EXOC6: variants seen among roughly 807,000 people sequenced by gnomAD.
EXOC6 encodes exocyst complex component 6.
EXOC6 carries 60 observed loss-of-function variants against 112.5 expected under a neutral mutation model. That is an observed-to-expected ratio of 0.53 (90% CI 0.43 to 0.66). The LOEUF (loss-of-function observed/expected upper bound fraction) is 0.66. Ranked by LOEUF, EXOC6 falls within the 30% of genes least tolerant of loss-of-function variation. The probability of loss-of-function intolerance (pLI) is 0.00; values close to 1 mark genes in which losing one functional copy is unlikely to be tolerated. For missense variants in EXOC6, 855 were observed against 957.1 expected (o/e 0.89, Z 1.41); for synonymous variants, 295 against 308.0 (o/e 0.96, Z 0.44).
chr10:92,915,154 A>T (rs1851009215), intron 6 of EXOC6, among the ~76,000 whole-genome samples: 1 of 152,200 alleles, frequency 6.6e-6, no homozygotes, highest in South Asian at 2.1e-4. Context: ...GGAAGTTGGG[A>T]GTATGGCCAA....
chr10:93,009,229 A>G (rs1844131580), intron 19 of EXOC6, among the ~76,000 whole-genome samples: 1 of 151,480 alleles, frequency 6.6e-6, no homozygotes, highest in Admixed American at 6.6e-5. Flanking sequence ...TAACTAAAAT[A>G]AAACCAAAAA....
intron 20 of EXOC6, among the ~76,000 whole-genome samples, chr10:93,014,807 T>C (rs1464219925): frequency 6.6e-6 from 1 of 152,226 alleles, no homozygotes; most frequent in Non-Finnish European, 1.5e-5. Flanking sequence ...ATACTCTAAG[T>C]GTAGTAACAA....
At chr10:92,989,198 A>AGT (rs1843132243) in intron 18 of EXOC6, among the ~76,000 whole-genome samples, 1 of 152,212 alleles carries the variant, frequency 6.6e-6, no homozygotes, top group Non-Finnish European at 1.5e-5. Flanking sequence ...TTGCTTGATA[A>AGT]GTGTTTTGTT....
At chr10:93,021,175 C>T (rs564899779) in intron 20 of EXOC6, among the ~76,000 whole-genome samples, 9 of 151,910 alleles carry the variant, frequency 5.9e-5, no homozygotes, top group Non-Finnish European at 1.2e-4. Context: ...CCCCATCTCC[C>T]TTTCCCATAA....
intron 7 of EXOC6, among the ~76,000 whole-genome samples, chr10:92,918,156 A>G (rs1001102559): frequency 6.6e-6 from 1 of 152,276 alleles, no homozygotes; most frequent in African/African-American, 2.4e-5. Context: ...CAAAAAAATA[A>G]ATAAAATTAT....
chr10:92,854,636 ATTC>A (rs1847513067), intron 1 of EXOC6, among the ~76,000 whole-genome samples: 1 of 152,150 alleles, frequency 6.6e-6, no homozygotes, highest in Non-Finnish European at 1.5e-5. Context: ...TTTGTCCCTT[ATTC>A]TTTTGATATG....
chr10:92,926,528 TAAAA>T (rs1216998130), intron 8 of EXOC6, among the ~76,000 whole-genome samples: 1 of 137,088 alleles, frequency 7.3e-6, no homozygotes, highest in African/African-American at 2.7e-5. Context: ...AAAAGAAAAA[TAAAA>T]AAAAAAAGAA....
At chr10:92,948,636 G>T (rs1564854299) in intron 14 of EXOC6, among the ~76,000 whole-genome samples, 1 of 145,052 alleles carries the variant, frequency 6.9e-6, no homozygotes, top group African/African-American at 2.5e-5. Flanking sequence ...TTTCGATGAC[G>T]TTAAGAAGAG....
intron 18 of EXOC6, among the ~76,000 whole-genome samples, chr10:92,984,198 T>C (rs772495799): frequency 6.6e-6 from 1 of 152,216 alleles, no homozygotes; most frequent in Non-Finnish European, 1.5e-5. Context: ...AGAATAATTC[T>C]AGCATCATGG....
intron 13 of EXOC6, among the ~76,000 whole-genome samples, chr10:92,947,134 G>C (rs1222960582): frequency 3.3e-5 from 5 of 152,118 alleles, no homozygotes; most frequent in Non-Finnish European, 5.9e-5. Context: ...GTTACGTTAG[G>C]ACAGCCTAGG....
At chr10:92,993,718 T>C (rs1032730290) in intron 18 of EXOC6, among the ~76,000 whole-genome samples, 1 of 152,254 alleles carries the variant, frequency 6.6e-6, no homozygotes, top group Non-Finnish European at 1.5e-5. Flanking sequence ...TAATCTATGA[T>C]AGTAAATTAT....
intron 8 of EXOC6, among the ~76,000 whole-genome samples, chr10:92,924,943 C>A (rs1484200084): frequency 6.6e-6 from 1 of 152,142 alleles, no homozygotes; most frequent in African/African-American, 2.4e-5. Context: ...TTCCTGAGTT[C>A]TGTCACTTAG....
At chr10:92,965,711 T>C (rs1464447584) in intron 17 of EXOC6, among the ~76,000 whole-genome samples, 1 of 152,208 alleles carries the variant, frequency 6.6e-6, no homozygotes, top group Non-Finnish European at 1.5e-5. Flanking sequence ...AAAAGTTACA[T>C]TGAAAGCCTT....
chr10:92,842,636 A>G (rs919426853), intron 1 of EXOC6, among the ~76,000 whole-genome samples: 2 of 151,896 alleles, frequency 1.3e-5, no homozygotes, highest in Admixed American at 6.6e-5. Context: ...AAGAAAACCA[A>G]CAAGGAGAAG....
rs541853170 is a variant in EXOC6 at position 92,907,619 on chromosome 10, T to A, written c.459-1808T>A. ...AATACATTGTAGACATTAGCATGAA[T>A]TTTCAGAAACCATACCTGTTGTAGA... On this transcript the variant is annotated intron_variant, in intron 5 of 21. Transcript: ENST00000260762. Among the ~76,000 whole-genome samples the A allele has an allele frequency of 5.9e-5, 9 of 152,338 alleles. No homozygotes were observed. The South Asian group carries it at 1.0e-3, about 18-fold the overall frequency.
intron 17 of EXOC6, 74 bp downstream of exon 17, chr10:92,955,788 T>TA: frequency 7.3e-7 from 1 of 1,362,766 alleles, no homozygotes; most frequent in Non-Finnish European, 1.0e-6. Context: ...AGACCGTTCT[T>TA]ATATATGCAA....
chr10:93,046,599 C>T (rs141700479), intron 20 of EXOC6, among the ~76,000 whole-genome samples: 1 of 142,816 alleles, frequency 7.0e-6, no homozygotes, highest in Admixed American at 7.0e-5. Context: ...TCATGGTTTC[C>T]TTTTTTTTTT....
chr10:92,889,371 A>C (rs1318199436), intron 1 of EXOC6, among the ~76,000 whole-genome samples: 1 of 152,072 alleles, frequency 6.6e-6, no homozygotes, highest in Non-Finnish European at 1.5e-5. Flanking sequence ...AAGTACAGAG[A>C]TTTCCCATAT....
intron 18 of EXOC6, among the ~76,000 whole-genome samples, chr10:92,986,678 T>C (rs1265877973): frequency 6.7e-6 from 1 of 150,308 alleles, no homozygotes; most frequent in Non-Finnish European, 1.5e-5. Context: ...AAATATCTTT[T>C]TCTAAAAAAA....
Sources: gnomAD v4.1 joint callset for allele counts (sites outside exome capture counted in the v4.1 genomes callset) on GRCh38, gnomAD v4.1.1 for gene constraint, MANE v1.5 for transcripts, NCBI Gene and HGNC (gene_info 2026-07-23, HGNC 2026-07-21) for gene names.